The following CRYL1 variants were observed in gnomAD, a reference collection of about 807,000 sequenced individuals.
CRYL1 encodes the protein crystallin lambda 1, also known as lambda-crystallin homolog.
A neutral mutation model predicts 36.6 loss-of-function variants in CRYL1; 29 were observed. That is an observed-to-expected ratio of 0.79 (90% CI 0.59 to 1.08). The LOEUF is 1.08. Ranked by LOEUF, CRYL1 falls within the 50% of genes least tolerant of loss-of-function variation. The pLI is 0.00. For missense variants in CRYL1, 411 were observed against 407.9 expected, an observed-to-expected ratio of 1.01 and a Z score of -0.06; for synonymous variants, 152 against 151.5, an observed-to-expected ratio of 1.00 and a Z score of -0.02.
At chr13:20,491,061 C>T (rs960308806) in intron 2 of CRYL1, among the ~76,000 whole-genome samples, 1 of 152,106 alleles carries the variant, frequency 6.6e-6, no homozygotes, top group African/African-American at 2.4e-5. Context: ...CGTGCCACCA[C>T]GCCTGACCAA....
chr13:20,480,237 C>T (rs1347096644), intron 3 of CRYL1, among the ~76,000 whole-genome samples: 5 of 151,936 alleles, frequency 3.3e-5, no homozygotes, highest in African/African-American at 4.8e-5. Context: ...AAAAATTATC[C>T]GGGTGTAGCA....
intron 6 of CRYL1, chr13:20,405,829 A>G (rs942097517): frequency 6.6e-6 from 1 of 152,374 alleles, no homozygotes; most frequent in African/African-American, 2.4e-5. Context: ...GGGTGCGCCC[A>G]GGGGAAAGCG....
rs1038963834 is a variant in CRYL1 at position 20,407,060 on chromosome 13, T to C, written c.740-2319A>G. Among the ~76,000 whole-genome samples the C allele has an allele frequency of 4.0e-5, 6 of 149,222 alleles. No individual in the cohort carries two copies. In the East Asian group the frequency reaches 1.0e-3, roughly 26 times the overall value. ...AACGTTTTAAAGGGACATTTATTTC[T>C]ACAAAACTTTTATTCTGTTTTATTC... On this transcript the variant is annotated intron_variant, in intron 6 of 7. Transcript: ENST00000298248.
chr13:20,417,256 T>G (rs1202363550), intron 5 of CRYL1, among the ~76,000 whole-genome samples: 21 of 152,228 alleles, frequency 1.4e-4, no homozygotes, highest in Non-Finnish European at 2.9e-5. Context: ...ACCCAAAGCC[T>G]TGTGACATCT....
At chr13:20,485,807 T>C (rs546928239) in intron 3 of CRYL1, among the ~76,000 whole-genome samples, 1 of 152,370 alleles carries the variant, frequency 6.6e-6, no homozygotes, top group African/African-American at 2.4e-5. Flanking sequence ...TTCATTCTCC[T>C]ACTAAATACC....
chr13:20,471,050 T>C (rs184596798), intron 3 of CRYL1, among the ~76,000 whole-genome samples: 11 of 151,162 alleles, frequency 7.3e-5, no homozygotes, highest in Admixed American at 3.3e-4. Flanking sequence ...TCACAATACA[T>C]AGAAGTTGTC....
chr13:20,477,516 G>A (rs1474264704), intron 3 of CRYL1, among the ~76,000 whole-genome samples: 3 of 150,638 alleles, frequency 2.0e-5, no homozygotes, highest in South Asian at 2.1e-4. Flanking sequence ...TTACATGGGC[G>A]TCCTGAGGAC....
chr13:20,432,512 A>T (rs2032093169), intron 4 of CRYL1, among the ~76,000 whole-genome samples: 1 of 152,148 alleles, frequency 6.6e-6, no homozygotes, highest in Non-Finnish European at 1.5e-5. Flanking sequence ...TTAAAAAAAA[A>T]TACCCAAAAT....
At chr13:20,490,391 T>C (rs59507784) in intron 2 of CRYL1, among the ~76,000 whole-genome samples, 11,254 of 151,958 alleles carry the variant, frequency 0.074, 1,318 homozygotes, top group African/African-American at 0.25. Context: ...GACTCTGTCT[T>C]GAAAAAATAA....
At chr13:20,471,947 G>A (rs987628302) in intron 3 of CRYL1, among the ~76,000 whole-genome samples, 2 of 151,486 alleles carry the variant, frequency 1.3e-5, no homozygotes, top group African/African-American at 2.4e-5. Context: ...TGCAACCTCC[G>A]CCTCCCAGGA....
Position 20,516,636 on chromosome 13 carries a change from C to T in CRYL1, c.42-4086G>A, listed in dbSNP as rs924714598. Reference sequence around the variant, plus strand: ...CTGGGACTACAGGCGCTCGCCACCACGCCTGGCTAATTTTTTGTATTTTTT... The same window carrying T: ...CTGGGACTACAGGCGCTCGCCACCATGCCTGGCTAATTTTTTGTATTTTTT... On this transcript the variant is annotated intron_variant, in intron 1 of 7. Coordinates refer to ENST00000298248, the MANE Select transcript of CRYL1 (RefSeq NM_015974.3). 9.2e-5 allele frequency among the ~76,000 whole-genome samples: 14 copies of T among 152,178 alleles called. No individual in the cohort carries two copies. The South Asian group carries it at 2.3e-3, about 25-fold the overall frequency.
At chr13:20,404,998 G>A (rs1189646116) in intron 6 of CRYL1, among the ~76,000 whole-genome samples, 2 of 152,128 alleles carry the variant, frequency 1.3e-5, no homozygotes, top group African/African-American at 4.8e-5. Flanking sequence ...GGCTGGGCCC[G>A]GTAGCTCATG....
chr13:20,516,864 A>G (rs2137516724), intron 1 of CRYL1, among the ~76,000 whole-genome samples: 1 of 152,134 alleles, frequency 6.6e-6, no homozygotes, highest in South Asian at 2.1e-4. Flanking sequence ...TAGAACCCAG[A>G]AGTTCAAGAA....
At chr13:20,466,240 CCAAA>C (rs1245579098) in intron 3 of CRYL1, among the ~76,000 whole-genome samples, 4 of 152,154 alleles carry the variant, frequency 2.6e-5, no homozygotes, top group Non-Finnish European at 5.9e-5. Flanking sequence ...GCCCCAATCT[CCAAA>C]CAGAGGGGAT....
Position 20,525,720 on chromosome 13 carries a change from T to C in CRYL1, c.41+34A>G. The C allele has an allele frequency of 7.5e-7, 1 of 1,341,556 alleles. No homozygotes were observed. The highest frequency in any genetic ancestry group is 9.6e-7 in the Non-Finnish European group (1 of 1,042,610). 83.1% of individuals were successfully genotyped at this position (1,341,556 alleles called of 1,614,324 possible). A position where few individuals can be genotyped will look rare whatever the true frequency, so the allele number is the denominator to read the frequency against. On this transcript the variant is annotated intron_variant, in intron 1 of 7. Transcript: ENST00000298248. The surrounding 1 kb of genome is among the most constrained non-coding windows in gnomAD (Gnocchi z 4.3). ...CCACGTCCCCGGCGTCTCCCCGGGC[T>C]CCAGGGGCAGCAGCGCGGCTCGGAG...
At chr13:20,427,586 T>C (rs1263094527) in intron 5 of CRYL1, among the ~76,000 whole-genome samples, 1 of 151,662 alleles carries the variant, frequency 6.6e-6, no homozygotes, top group African/African-American at 2.4e-5. Flanking sequence ...ACCCCCACAG[T>C]GAGGGAGCCT....
chr13:20,405,345 G>A (rs993936788), intron 6 of CRYL1, among the ~76,000 whole-genome samples: 5 of 151,880 alleles, frequency 3.3e-5, no homozygotes, highest in Admixed American at 6.6e-5. Flanking sequence ...GGGACCCTCC[G>A]GTTGGCCTGC....
chr13:20,448,536 A>G (rs2032502041), intron 3 of CRYL1, among the ~76,000 whole-genome samples: 3 of 152,228 alleles, frequency 2.0e-5, no homozygotes. Context: ...AAAACAGAAG[A>G]CAAAGAGAAA....
chr13:20,471,691 C>G (rs1244903201), intron 3 of CRYL1, among the ~76,000 whole-genome samples: 1 of 152,290 alleles, frequency 6.6e-6, no homozygotes, highest in South Asian at 2.1e-4. Flanking sequence ...CTCCTTCCCA[C>G]TTTCCTATTA....
Sources: gnomAD v4.1 joint callset for allele counts (sites outside exome capture counted in the v4.1 genomes callset) on GRCh38, gnomAD v4.1.1 for gene constraint, Gnocchi (gnomAD v3.1) non-coding constraint, MANE v1.5 for transcripts, NCBI Gene and HGNC (gene_info 2026-07-23, HGNC 2026-07-21) for gene names.